Variants in TFDP2 observed in about 807,000 individuals in gnomAD.
TFDP2 encodes transcription factor Dp-2 (E2F dimerization partner 2).
TFDP2 carries 17 observed loss-of-function variants against 59.3 expected under a neutral mutation model. The ratio of observed to expected loss-of-function variants is 0.29; its 90% CI spans 0.20 to 0.43. The LOEUF (loss-of-function observed/expected upper bound fraction) is 0.43. Among genes scored for constraint, TFDP2 ranks in the 20% least tolerant of loss-of-function variants. TFDP2 has a pLI of 1.00. For synonymous variants in TFDP2, 180 were observed against 194.7 expected, an observed-to-expected ratio of 0.92 and a Z score of 0.63; for missense variants, 391 against 528.8, an observed-to-expected ratio of 0.74 and a Z score of 2.56.
At chr3:142,021,126 T>G (rs77113134) in intron 3 of TFDP2, among the ~76,000 whole-genome samples, 10,592 of 152,260 alleles carry the variant, frequency 0.07, 469 homozygotes, top group Non-Finnish European at 0.11. Context: ...AAATACAAAG[T>G]TAATCACTAT....
chr3:142,071,431 T>C (rs1576902838), intron 3 of TFDP2, among the ~76,000 whole-genome samples: 1 of 152,308 alleles, frequency 6.6e-6, no homozygotes, highest in East Asian at 1.9e-4. Flanking sequence ...GTGCAAGGAA[T>C]ACACGCGTGA....
intron 3 of TFDP2, among the ~76,000 whole-genome samples, chr3:142,020,223 T>C (rs1945478849): frequency 6.6e-6 from 1 of 152,046 alleles, no homozygotes; most frequent in Non-Finnish European, 1.5e-5. Flanking sequence ...TCAGGGGATA[T>C]CTATCACCTG....
intron 3 of TFDP2, among the ~76,000 whole-genome samples, chr3:142,049,400 T>C (rs80261761): frequency 0.043 from 6,527 of 152,254 alleles, 465 homozygotes; most frequent in African/African-American, 0.15. Context: ...AGGTAAGGCA[T>C]TTAACAAAAT....
intron 9 of TFDP2, among the ~76,000 whole-genome samples, chr3:141,968,423 CTCATATATAGATATATATA>C (rs1938597260): frequency 1.1e-5 from 1 of 87,946 alleles, no homozygotes; most frequent in African/African-American, 5.6e-5. Context: ...ACATATATAT[CTCATATATAGATATATATA>C]ACATATATAT....
At chr3:142,024,133 C>CTGTG (rs1219070874) in intron 3 of TFDP2, among the ~76,000 whole-genome samples, 1 of 152,204 alleles carries the variant, frequency 6.6e-6, no homozygotes, top group African/African-American at 2.4e-5. Flanking sequence ...ATAAGTTCTA[C>CTGTG]TGTGTCTACC....
intron 9 of TFDP2, among the ~76,000 whole-genome samples, chr3:141,967,003 G>T (rs887661458): frequency 6.7e-6 from 1 of 149,416 alleles, no homozygotes; most frequent in African/African-American, 2.5e-5. Context: ...TGCAACCTCC[G>T]CCTCCCGGGT....
chr3:141,998,205 GAAAT>G (rs1943456037), intron 4 of TFDP2, among the ~76,000 whole-genome samples: 1 of 152,160 alleles, frequency 6.6e-6, no homozygotes, highest in Non-Finnish European at 1.5e-5. Context: ...TGAAACGTAA[GAAAT>G]AAAACAGAAG....
At chr3:141,996,880 A>G (rs937306196) in intron 4 of TFDP2, among the ~76,000 whole-genome samples, 11 of 152,230 alleles carry the variant, frequency 7.2e-5, no homozygotes, top group Non-Finnish European at 1.6e-4. Flanking sequence ...AAAAATAAAA[A>G]CAAAAGTTAA....
At chr3:142,047,652 G>C (rs985353941) in intron 3 of TFDP2, among the ~76,000 whole-genome samples, 1 of 151,746 alleles carries the variant, frequency 6.6e-6, no homozygotes, top group East Asian at 1.9e-4. Flanking sequence ...CTTCATTTTA[G>C]GTTGACATAT....
At chr3:142,128,413 G>A (rs921880125) in intron 1 of TFDP2, among the ~76,000 whole-genome samples, 7 of 152,182 alleles carry the variant, frequency 4.6e-5, no homozygotes, top group Non-Finnish European at 8.8e-5. Context: ...CTGGGACTAG[G>A]AGATCCCTCT....
chr3:142,047,363 G>A (rs1302541166), intron 3 of TFDP2, among the ~76,000 whole-genome samples: 1 of 152,048 alleles, frequency 6.6e-6, no homozygotes, highest in Non-Finnish European at 1.5e-5. Context: ...ATCCACATCA[G>A]GTGTGAATTA....
chr3:142,038,668 T>C (rs1946811155), intron 3 of TFDP2, among the ~76,000 whole-genome samples: 1 of 152,062 alleles, frequency 6.6e-6, no homozygotes, highest in Admixed American at 6.5e-5. Flanking sequence ...TCATCTAGAA[T>C]TCAATCATCC....
chr3:142,093,837 T>C (rs1051276650), intron 2 of TFDP2: 4 of 298,592 alleles, frequency 1.3e-5, no homozygotes, highest in African/African-American at 2.2e-5. Context: ...CATCTGTAAA[T>C]TGGAGGGTGA....
chr3:142,099,418 C>T (rs991972177), intron 2 of TFDP2, among the ~76,000 whole-genome samples: 3 of 151,992 alleles, frequency 2.0e-5, no homozygotes, highest in African/African-American at 7.3e-5. Flanking sequence ...TGAAATGACC[C>T]GGGCCAGGCG....
chr3:142,098,516 A>AT (rs2061233105), intron 2 of TFDP2, among the ~76,000 whole-genome samples: 1 of 152,048 alleles, frequency 6.6e-6, no homozygotes, highest in African/African-American at 2.4e-5. Flanking sequence ...AAGTGGGCTC[A>AT]TGACTCAAAG....
intron 7 of TFDP2, among the ~76,000 whole-genome samples, chr3:141,975,504 C>T (rs1940497142): frequency 6.6e-6 from 1 of 151,884 alleles, no homozygotes; most frequent in Non-Finnish European, 1.5e-5. Context: ...ACCAGCCTGG[C>T]CAACATGGCA....
intron 9 of TFDP2, among the ~76,000 whole-genome samples, chr3:141,969,246 TAAC>T (rs1939305891): frequency 3.7e-5 from 4 of 107,328 alleles, no homozygotes; most frequent in African/African-American, 1.6e-4. Flanking sequence ...TATATATATA[TAAC>T]ATATATATAT....
intron 9 of TFDP2, among the ~76,000 whole-genome samples, chr3:141,967,141 T>C (rs1055882172): frequency 6.6e-6 from 1 of 151,588 alleles, no homozygotes; most frequent in Non-Finnish European, 1.5e-5. Context: ...GGTCTCAAAC[T>C]CCTGACCTCG....
At chr3:142,088,126 T>C (rs1248728437) in intron 3 of TFDP2, among the ~76,000 whole-genome samples, 3 of 152,210 alleles carry the variant, frequency 2.0e-5, no homozygotes, top group African/African-American at 4.8e-5. Context: ...CCTTAGCACC[T>C]AGAAAAATGC....
Sources: gnomAD v4.1 joint callset for allele counts (sites outside exome capture counted in the v4.1 genomes callset) on GRCh38, gnomAD v4.1.1 for gene constraint, MANE v1.5 for transcripts, NCBI Gene and HGNC (gene_info 2026-07-23, HGNC 2026-07-21) for gene names.